The following BNC2 variants were observed in gnomAD, a reference collection of about 807,000 sequenced individuals.
BNC2 encodes the protein basonuclin zinc finger protein 2.
In BNC2, 20 loss-of-function variants were observed where a neutral mutation model predicts 76.3. The ratio of observed to expected loss-of-function variants is 0.26; its 90% CI spans 0.18 to 0.38. The LOEUF is 0.38. Ranked by LOEUF, BNC2 falls within the 10% of genes least tolerant of loss-of-function variation. The pLI is 1.00. For missense variants in BNC2, 1,382 were observed against 1,399.8 expected (o/e 0.99, Z 0.20); for synonymous variants, 582 against 514.8 (o/e 1.13, Z -1.77).
At chr9:16,613,563 G>C (rs1345976536) in intron 3 of BNC2, among the ~76,000 whole-genome samples, 1 of 152,190 alleles carries the variant, frequency 6.6e-6, no homozygotes. Flanking sequence ...CTGAAAAGGA[G>C]ATCAGCTACT....
At chr9:16,844,671 G>C (rs1416866312) in intron 1 of BNC2, among the ~76,000 whole-genome samples, 1 of 151,878 alleles carries the variant, frequency 6.6e-6, no homozygotes, top group Non-Finnish European at 1.5e-5. Context: ...GCTAATTTTT[G>C]TATTTTTAGT....
chr9:16,446,449 C>T (rs1466001828), intron 5 of BNC2, among the ~76,000 whole-genome samples: 2 of 151,750 alleles, frequency 1.3e-5, no homozygotes, highest in African/African-American at 4.8e-5. Flanking sequence ...TCCCAGTATA[C>T]AAATATTTAT....
chr9:16,724,792 T>G (rs1171512089), intron 3 of BNC2, among the ~76,000 whole-genome samples: 1 of 152,136 alleles, frequency 6.6e-6, no homozygotes, highest in Non-Finnish European at 1.5e-5. Flanking sequence ...TTATTAAATT[T>G]CAGTATTCAT....
intron 3 of BNC2, among the ~76,000 whole-genome samples, chr9:16,632,700 C>CT (rs1821198721): frequency 6.6e-6 from 1 of 152,192 alleles, no homozygotes; most frequent in Non-Finnish European, 1.5e-5. Flanking sequence ...TGAGTACAGA[C>CT]TGCCATGTCT....
Position 16,583,058 on chromosome 9 carries a change from T to C in BNC2, c.358A>G (p.Thr120Ala), listed in dbSNP as rs774070642. The change falls in exon 4 of 7, where the codon ACA becomes GCA. Residue 120 changes from threonine (T) to alanine (A), a missense_variant. This residue lies in a region of BNC2 where 557 missense variants were observed against 540.9 expected (regional missense o/e 1.03). Coordinates refer to ENST00000380672, the MANE Select transcript of BNC2 (RefSeq NM_017637.6). ...QAIRCTLVNC[T>A]CECFQPGKIN... The stretch of plus-strand genomic sequence containing the variant: ...TTCCCTGGCTGAAAACATTCACATG[T>C]GCAGTTTACCAGTGTGCAACGGATG... 3 of 1,614,044 alleles carry C rather than the reference T, an allele frequency of 1.9e-6. No homozygotes were observed. In the South Asian group the frequency reaches 3.3e-5, roughly 18 times the overall value.
chr9:16,816,476 T>C (rs1229161394), intron 1 of BNC2, among the ~76,000 whole-genome samples: 6 of 152,216 alleles, frequency 3.9e-5, no homozygotes, highest in African/African-American at 1.4e-4. Context: ...TGAACTGAGT[T>C]TGTTCTAGAC....
intron 5 of BNC2, among the ~76,000 whole-genome samples, chr9:16,482,616 T>C (rs1403469247): frequency 1.3e-5 from 2 of 152,188 alleles, no homozygotes; most frequent in Admixed American, 1.3e-4. Flanking sequence ...AGACATATAA[T>C]CTTACTTACT....
intron 3 of BNC2, among the ~76,000 whole-genome samples, chr9:16,644,238 G>C (rs970090573): frequency 6.6e-6 from 1 of 152,180 alleles, no homozygotes; most frequent in Non-Finnish European, 1.5e-5. Context: ...AAGAGGAAAA[G>C]AATCTAGATA....
chr9:16,654,299 T>C (rs1233721266), intron 3 of BNC2, among the ~76,000 whole-genome samples: 1 of 152,158 alleles, frequency 6.6e-6, no homozygotes, highest in South Asian at 2.1e-4. Flanking sequence ...TCATTCTAAC[T>C]AGAGTTCAGG....
intron 5 of BNC2, among the ~76,000 whole-genome samples, chr9:16,495,009 T>C (rs1039725830): frequency 6.6e-6 from 1 of 152,196 alleles, no homozygotes; most frequent in Admixed American, 6.5e-5. Context: ...TGGATGTTCT[T>C]TCAACCCAGG....
At chr9:16,520,151 G>A (rs1817572591) in intron 5 of BNC2, among the ~76,000 whole-genome samples, 2 of 152,184 alleles carry the variant, frequency 1.3e-5, no homozygotes, top group African/African-American at 4.8e-5. Context: ...GGCCTACGAG[G>A]AAACCTTTCC....
chr9:16,768,186 A>G (rs1382370342), intron 1 of BNC2, among the ~76,000 whole-genome samples: 1 of 151,870 alleles, frequency 6.6e-6, no homozygotes, highest in Non-Finnish European at 1.5e-5. Context: ...GGCTGGTCTT[A>G]AACTCCTGAC....
chr9:16,725,412 C>T (rs1824284118), intron 3 of BNC2, among the ~76,000 whole-genome samples: 1 of 152,038 alleles, frequency 6.6e-6, no homozygotes, highest in Admixed American at 6.5e-5. Context: ...AGCTCATATC[C>T]TCTTTTACAT....
intron 3 of BNC2, among the ~76,000 whole-genome samples, chr9:16,709,708 C>T (rs2134701965): frequency 6.6e-6 from 1 of 152,172 alleles, no homozygotes; most frequent in East Asian, 1.9e-4. Context: ...AGTTTCTAAC[C>T]TGTGGGAGAG....
chr9:16,649,728 C>G (rs1821739155), intron 3 of BNC2, among the ~76,000 whole-genome samples: 1 of 152,030 alleles, frequency 6.6e-6, no homozygotes, highest in African/African-American at 2.4e-5. Context: ...TATGAATTAG[C>G]CAAAATTTTG....
intron 3 of BNC2, among the ~76,000 whole-genome samples, chr9:16,627,975 G>A (rs763684393): frequency 3.9e-5 from 6 of 152,084 alleles, no homozygotes; most frequent in South Asian, 2.1e-4. Flanking sequence ...GACATTTTAC[G>A]GTGTACAATT....
chr9:16,846,277 CCAG>C (rs1341641914), intron 1 of BNC2, among the ~76,000 whole-genome samples: 1 of 152,070 alleles, frequency 6.6e-6, no homozygotes, highest in Admixed American at 6.6e-5. Context: ...GAAAGAAAAT[CCAG>C]CATTTTCAGT....
At chr9:16,741,787 G>A (rs371232973) in intron 1 of BNC2, among the ~76,000 whole-genome samples, 13 of 151,912 alleles carry the variant, frequency 8.6e-5, no homozygotes, top group African/African-American at 2.2e-4. Flanking sequence ...GTGAAACCCC[G>A]TCTCTACTGA....
At chr9:16,696,706 C>A (rs1276472057) in intron 3 of BNC2, among the ~76,000 whole-genome samples, 1 of 152,130 alleles carries the variant, frequency 6.6e-6, no homozygotes, top group African/African-American at 2.4e-5. Context: ...TCTTAAAATT[C>A]ATAAGGGCAC....
Sources: allele counts gnomAD v4.1 joint callset (sites outside exome capture counted in the v4.1 genomes callset), GRCh38; gene constraint gnomAD v4.1.1; regional missense constraint gnomAD v4.1.1; transcripts MANE v1.5; gene names NCBI Gene and HGNC (gene_info 2026-07-23, HGNC 2026-07-21).